The following SNTG1 variants were observed in gnomAD, a reference collection of about 807,000 sequenced individuals.
SNTG1 encodes syntrophin gamma 1, also known as gamma-1-syntrophin.
Under a neutral mutation model 74.7 loss-of-function variants are expected in SNTG1, and 39 were observed. The ratio of observed to expected loss-of-function variants is 0.52; its 90% CI spans 0.40 to 0.68. The LOEUF (loss-of-function observed/expected upper bound fraction) is 0.68, where lower values mean the gene tolerates loss of function less well. SNTG1 is among the 30% of genes least tolerant of loss of function. The pLI, the probability that SNTG1 is intolerant of heterozygous loss-of-function variation, is 0.00. For missense variants in SNTG1, 685 were observed against 609.5 expected (o/e 1.12, Z -1.30); for synonymous variants, 254 against 217.1 (o/e 1.17, Z -1.49).
At chr8:49,972,243 C>G (rs1169421399) in intron 1 of SNTG1, among the ~76,000 whole-genome samples, 1 of 152,124 alleles carries the variant, frequency 6.6e-6, no homozygotes, top group Non-Finnish European at 1.5e-5. Context: ...TTTGACAAAC[C>G]TGACAAAAAC....
At chr8:50,732,115 T>A (rs1203362741) in intron 17 of SNTG1, among the ~76,000 whole-genome samples, 1 of 152,012 alleles carries the variant, frequency 6.6e-6, no homozygotes, top group Admixed American at 6.6e-5. Context: ...CTAATACACA[T>A]TCTTATAGCC....
At chr8:50,212,818 T>C (rs1217307317) in intron 2 of SNTG1, among the ~76,000 whole-genome samples, 2 of 152,168 alleles carry the variant, frequency 1.3e-5, no homozygotes, top group Non-Finnish European at 2.9e-5. Context: ...AAAAGTGCCA[T>C]TCAGTTTCTT....
chr8:50,185,078 G>A (rs950087022), intron 2 of SNTG1, among the ~76,000 whole-genome samples: 1 of 152,130 alleles, frequency 6.6e-6, no homozygotes, highest in Admixed American at 6.5e-5. Flanking sequence ...TTAGAAAATA[G>A]AATCAGGTTC....
chr8:50,345,015 G>A (rs991412458), intron 2 of SNTG1, among the ~76,000 whole-genome samples: 2 of 152,134 alleles, frequency 1.3e-5, no homozygotes, highest in African/African-American at 4.8e-5. Flanking sequence ...GGAGAAGCAA[G>A]CCAAGGGGAG....
intron 4 of SNTG1, among the ~76,000 whole-genome samples, chr8:50,416,623 T>A (rs975405807): frequency 2.6e-5 from 4 of 152,158 alleles, no homozygotes; most frequent in African/African-American, 9.6e-5. Context: ...CTTGGTAATT[T>A]ACAGAATATT....
intron 15 of SNTG1, among the ~76,000 whole-genome samples, chr8:50,667,968 C>A (rs1347252996): frequency 6.6e-6 from 1 of 152,064 alleles, no homozygotes; most frequent in South Asian, 2.1e-4. Flanking sequence ...AAAAACGTTA[C>A]AGGCCGTGCA....
intron 4 of SNTG1, among the ~76,000 whole-genome samples, chr8:50,419,890 T>C (rs1482916995): frequency 4.6e-5 from 7 of 150,920 alleles, no homozygotes; most frequent in African/African-American, 1.7e-4. Context: ...AAATAAAAAC[T>C]CAATGGTTGG....
chr8:50,049,012 C>T (rs140527071), intron 1 of SNTG1, among the ~76,000 whole-genome samples: 2 of 151,236 alleles, frequency 1.3e-5, no homozygotes, highest in South Asian at 2.1e-4. Context: ...GTTAAAAAAA[C>T]TATAATTGGT....
chr8:49,976,411 C>T (rs1812197230), intron 1 of SNTG1, among the ~76,000 whole-genome samples: 1 of 152,126 alleles, frequency 6.6e-6, no homozygotes, highest in African/African-American at 2.4e-5. Flanking sequence ...TGCCTGATTT[C>T]TGCCAGGTTG....
At chr8:50,116,613 G>T (rs76377516) in intron 1 of SNTG1, among the ~76,000 whole-genome samples, 2,515 of 152,214 alleles carry the variant, frequency 0.017, 131 homozygotes, top group Admixed American at 0.1. Flanking sequence ...TATGCACAAA[G>T]CATGCCCATT....
rs571625245 is a variant in SNTG1 at position 50,780,341 on chromosome 8, T to G, written c.1396-12330T>G. Among the ~76,000 whole-genome samples, 5 of 152,268 alleles carry G rather than the reference T, an allele frequency of 3.3e-5. No individual in the cohort carries two copies. In the East Asian group the frequency reaches 9.7e-4, roughly 29 times the overall value. On this transcript the variant is annotated intron_variant, in intron 18 of 18. Transcript: ENST00000642720. ...GTGAATCCCTCTGGTCCTGGACTCT[T>G]TTTGGTTGGTAAGCTATTGATTATT...
At chr8:50,515,285 T>C (rs2094121808) in intron 9 of SNTG1, among the ~76,000 whole-genome samples, 1 of 151,620 alleles carries the variant, frequency 6.6e-6, no homozygotes. Context: ...GTCTATCAAA[T>C]GTTCCATAAC....
At chr8:50,140,987 C>T (rs1031072557) in intron 1 of SNTG1, among the ~76,000 whole-genome samples, 16 of 152,138 alleles carry the variant, frequency 1.1e-4, no homozygotes, top group African/African-American at 3.6e-4. Flanking sequence ...GCTTTAACAT[C>T]CCCTGGAAAC....
At chr8:49,952,088 T>G (rs62501373) in intron 1 of SNTG1, among the ~76,000 whole-genome samples, 3 of 152,114 alleles carry the variant, frequency 2.0e-5, no homozygotes, top group Non-Finnish European at 4.4e-5. Context: ...TTATTTTAGA[T>G]CTAAATGTTT....
At chr8:50,306,714 T>C (rs2089913267) in intron 2 of SNTG1, among the ~76,000 whole-genome samples, 1 of 152,066 alleles carries the variant, frequency 6.6e-6, no homozygotes, top group Non-Finnish European at 1.5e-5. Flanking sequence ...TGTCTATTTA[T>C]GTCATTTGCC....
At chr8:50,476,416 G>C (rs1351574456) in intron 8 of SNTG1, among the ~76,000 whole-genome samples, 1 of 152,090 alleles carries the variant, frequency 6.6e-6, no homozygotes, top group Non-Finnish European at 1.5e-5. Flanking sequence ...GTTTTTCATG[G>C]ATTATGGGTT....
At chr8:50,511,336 C>A (rs186522973) in intron 9 of SNTG1, among the ~76,000 whole-genome samples, 430 of 152,188 alleles carry the variant, frequency 2.8e-3, no homozygotes, top group African/African-American at 9.7e-3. Context: ...TTACTTCCAA[C>A]TATGTGGTCA....
chr8:50,212,363 A>T (rs1185504468), intron 2 of SNTG1, among the ~76,000 whole-genome samples: 2 of 152,154 alleles, frequency 1.3e-5, no homozygotes, highest in Admixed American at 1.3e-4. Context: ...TGAGTAATGA[A>T]AATTGCCTCT....
intron 15 of SNTG1, among the ~76,000 whole-genome samples, chr8:50,668,095 A>G (rs1241987389): frequency 6.6e-6 from 1 of 152,050 alleles, no homozygotes; most frequent in African/African-American, 2.4e-5. Flanking sequence ...CCACAAAGCT[A>G]ATCCCAGCAA....
Sources: allele counts gnomAD v4.1 joint callset (sites outside exome capture counted in the v4.1 genomes callset), GRCh38; gene constraint gnomAD v4.1.1; transcripts MANE v1.5; gene names NCBI Gene and HGNC (gene_info 2026-07-23, HGNC 2026-07-21).